The following GALNTL6 variants were observed in gnomAD, a reference collection of about 807,000 sequenced individuals.
GALNTL6 encodes polypeptide N-acetylgalactosaminyltransferase-like 6.
GALNTL6 carries 46 observed loss-of-function variants against 73.7 expected under a neutral mutation model. The observed-to-expected ratio is 0.62, with a 90% CI of 0.49 to 0.80. GALNTL6 has a LOEUF of 0.80. GALNTL6 is among the 30% of genes least tolerant of loss of function. GALNTL6 has a pLI of 0.00. For synonymous variants in GALNTL6, 259 were observed against 263.7 expected, an observed-to-expected ratio of 0.98 and a Z score of 0.17; for missense variants, 604 against 755.0, an observed-to-expected ratio of 0.80 and a Z score of 2.34.
At chr4:172,437,128 A>G (rs1038606317) in intron 5 of GALNTL6, among the ~76,000 whole-genome samples, 1 of 152,070 alleles carries the variant, frequency 6.6e-6, no homozygotes, top group African/African-American at 2.4e-5. Flanking sequence ...ATAACTCTCC[A>G]TGGAATCGTT....
At chr4:172,554,767 A>G (rs1736083174) in intron 5 of GALNTL6, among the ~76,000 whole-genome samples, 2 of 152,168 alleles carry the variant, frequency 1.3e-5, no homozygotes, top group Admixed American at 1.3e-4. Context: ...CATTGCCCTC[A>G]TACAAATCCA....
chr4:172,145,848 G>A (rs1733913531), intron 2 of GALNTL6, among the ~76,000 whole-genome samples: 1 of 152,014 alleles, frequency 6.6e-6, no homozygotes. Flanking sequence ...AAAATTAATA[G>A]AAGTTTTATG....
intron 3 of GALNTL6, among the ~76,000 whole-genome samples, chr4:172,287,318 C>T (rs1244780007): frequency 6.6e-6 from 1 of 152,136 alleles, no homozygotes; most frequent in African/African-American, 2.4e-5. Flanking sequence ...GGCTACCAAC[C>T]ACAGCTAATA....
chr4:172,094,803 T>C (rs1732302282), intron 2 of GALNTL6, among the ~76,000 whole-genome samples: 1 of 152,148 alleles, frequency 6.6e-6, no homozygotes, highest in African/African-American at 2.4e-5. Context: ...ATCCACTTTT[T>C]TCTTGAAGAG....
At chr4:171,883,425 T>G (rs972308607) in intron 2 of GALNTL6, among the ~76,000 whole-genome samples, 2 of 152,112 alleles carry the variant, frequency 1.3e-5, no homozygotes, top group African/African-American at 4.8e-5. Flanking sequence ...TTCAGTTCAT[T>G]GATGTGCTCC....
intron 2 of GALNTL6, among the ~76,000 whole-genome samples, chr4:172,177,784 CATG>C (rs1560955513): frequency 8.6e-5 from 5 of 58,270 alleles, no homozygotes; most frequent in Non-Finnish European, 1.8e-4. Context: ...CATATATACA[CATG>C]TGTATATATA....
chr4:172,404,042 G>T (rs1022968542), intron 5 of GALNTL6, among the ~76,000 whole-genome samples: 4 of 151,924 alleles, frequency 2.6e-5, no homozygotes, highest in Admixed American at 2.6e-4. Context: ...GCACAGCCCA[G>T]GGGTAGGCTT....
intron 2 of GALNTL6, among the ~76,000 whole-genome samples, chr4:172,186,611 A>G (rs1735422758): frequency 6.6e-6 from 1 of 152,126 alleles, no homozygotes; most frequent in Non-Finnish European, 1.5e-5. Context: ...ACATGCTACA[A>G]TGTGTATGTA....
At chr4:172,630,859 A>G (rs918435687) in intron 5 of GALNTL6, among the ~76,000 whole-genome samples, 1 of 150,520 alleles carries the variant, frequency 6.6e-6, no homozygotes, top group Non-Finnish European at 1.5e-5. Flanking sequence ...TGTTATATAC[A>G]TATATATATA....
chr4:172,501,327 C>G (rs1734253172), intron 5 of GALNTL6, among the ~76,000 whole-genome samples: 1 of 152,150 alleles, frequency 6.6e-6, no homozygotes, highest in Non-Finnish European at 1.5e-5. Flanking sequence ...TTATCAAATG[C>G]AGCTTTATTA....
chr4:172,905,257 T>C (rs1746823142), intron 8 of GALNTL6, among the ~76,000 whole-genome samples: 1 of 152,196 alleles, frequency 6.6e-6, no homozygotes, highest in Admixed American at 6.5e-5. Flanking sequence ...ACCATTAACC[T>C]AATTTATTTT....
intron 12 of GALNTL6, among the ~76,000 whole-genome samples, chr4:173,034,835 A>G (rs971658663): frequency 2.6e-5 from 4 of 151,966 alleles, no homozygotes; most frequent in Non-Finnish European, 4.4e-5. Context: ...CACTGCCCCA[A>G]CCTCACCCCT....
intron 5 of GALNTL6, among the ~76,000 whole-genome samples, chr4:172,441,949 A>G (rs1731852627): frequency 6.6e-6 from 1 of 152,166 alleles, no homozygotes; most frequent in Non-Finnish European, 1.5e-5. Context: ...CTGAAAGCCA[A>G]AGAAATTTCC....
intron 7 of GALNTL6, among the ~76,000 whole-genome samples, chr4:172,835,304 TGGGAATTGCTGGCACTTGA>T (rs1175491496): frequency 2.6e-5 from 4 of 152,342 alleles, no homozygotes; most frequent in African/African-American, 9.6e-5. Flanking sequence ...GAACTCCAGC[TGGGAATTGCTGGCACTTGA>T]GGGAGACCTC....
At chr4:172,213,631 A>G (rs574932552) in intron 2 of GALNTL6, among the ~76,000 whole-genome samples, 1 of 152,186 alleles carries the variant, frequency 6.6e-6, no homozygotes, top group African/African-American at 2.4e-5. Context: ...CTTGTTATTA[A>G]ACTTTAAGAG....
At chr4:172,105,801 G>C (rs1218558492) in intron 2 of GALNTL6, among the ~76,000 whole-genome samples, 1 of 152,032 alleles carries the variant, frequency 6.6e-6, no homozygotes, top group African/African-American at 2.4e-5. Context: ...GTTACATGTT[G>C]AAATAAGCAG....
intron 2 of GALNTL6, among the ~76,000 whole-genome samples, chr4:172,203,589 A>G (rs1011310295): frequency 1.3e-5 from 2 of 152,208 alleles, no homozygotes; most frequent in African/African-American, 4.8e-5. Flanking sequence ...GAGGCAAGGC[A>G]GGAATCAGGT....
chr4:172,719,198 T>C (rs1470591555), intron 5 of GALNTL6, among the ~76,000 whole-genome samples: 1 of 152,120 alleles, frequency 6.6e-6, no homozygotes, highest in East Asian at 1.9e-4. Context: ...AAACCAGACA[T>C]ACTCAAAATG....
intron 5 of GALNTL6, among the ~76,000 whole-genome samples, chr4:172,478,353 A>C (rs1224903436): frequency 6.6e-6 from 1 of 152,184 alleles, no homozygotes; most frequent in Non-Finnish European, 1.5e-5. Context: ...CACCAAAATA[A>C]AGCCAAATAC....
Sources: gnomAD v4.1 joint callset for allele counts (sites outside exome capture counted in the v4.1 genomes callset) on GRCh38, gnomAD v4.1.1 for gene constraint, MANE v1.5 for transcripts, NCBI Gene and HGNC (gene_info 2026-07-23, HGNC 2026-07-21) for gene names.